The following PIGT variants were observed in gnomAD, a reference collection of about 807,000 sequenced individuals.
PIGT encodes GPI-anchor transamidase component PIGT.
PIGT carries 57 observed loss-of-function variants against 66.7 expected under a neutral mutation model. The observed-to-expected ratio is 0.86, with a 90% confidence interval of 0.69 to 1.07. The LOEUF (loss-of-function observed/expected upper bound fraction) is 1.07. Among genes scored for constraint, PIGT ranks in the 50% least tolerant of loss-of-function variants. The pLI is 0.00. For synonymous variants in PIGT, 362 were observed against 320.5 expected, an observed-to-expected ratio of 1.13 and a Z score of -1.38; for missense variants, 725 against 740.4, an observed-to-expected ratio of 0.98 and a Z score of 0.24.
intron 5 of PIGT, 53 bp downstream of exon 5, chr20:45,419,643 A>G (rs1039428461): frequency 6.5e-6 from 8 of 1,232,858 alleles, no homozygotes; most frequent in Non-Finnish European, 9.6e-6. Flanking sequence ...GAGAAGGTAC[A>G]TGTAAAGCAT....
In PIGT at chr20:45,425,584, T is replaced by G; in HGVS notation, c.1495T>G (p.Ser499Ala). 6.2e-7 allele frequency: 1 copy of G among 1,613,758 alleles called. No homozygotes were observed. ...TTCCCCTGACCCCAGGTTCCCAGTC[T>G]CTGATGGCTCTAACTACTTTGTGCG... ...SPLFNSLFPV[S>A]DGSNYFVRLY... The change falls in exon 12 of 12, where the codon TCT (serine) becomes GCT (alanine). Residue 499 changes from serine to alanine, a missense_variant. By Grantham distance (99) the Ser-to-Ala change is moderately conservative. This residue lies in a region of PIGT where 162 missense variants were observed against 171.1 expected (regional missense o/e 0.95). Transcript: ENST00000279036.
chr20:45,419,460 G>T (rs933610455), intron 4 of PIGT, 44 bp from the exon 5 acceptor site: 2 of 1,612,114 alleles, frequency 1.2e-6, no homozygotes, highest in Non-Finnish European at 8.5e-7. Context: ...CCCATGCCAA[G>T]TGCTCCATAC....
intron 2 of PIGT, chr20:45,418,597 A>T: frequency 4.5e-6 from 2 of 442,216 alleles, no homozygotes; most frequent in South Asian, 4.1e-5. Context: ...CTTGCAAGGA[A>T]GGAAGAATCA....
chr20:45,420,782 T>A, intron 8 of PIGT, 89 bp downstream of exon 8: 2 of 1,351,008 alleles, frequency 1.5e-6, no homozygotes, highest in Non-Finnish European at 2.1e-6. Flanking sequence ...GATGATTGGG[T>A]TGTATTTAGA....
intron 2 of PIGT, chr20:45,418,008 G>A (rs1444637968): frequency 6.6e-6 from 1 of 152,198 alleles, no homozygotes; most frequent in Non-Finnish European, 1.5e-5. Flanking sequence ...GAAATGTGGA[G>A]CAAATGCTTA....
chr20:45,424,618 T>A, intron 11 of PIGT, 39 bp downstream of exon 11: 1 of 1,533,458 alleles, frequency 6.5e-7, no homozygotes, highest in Non-Finnish European at 9.0e-7. Flanking sequence ...CATCCTCAGC[T>A]GCCTGCTGGG....
Position 45,417,430 on chromosome 20 carries a change from C to CA in PIGT, c.365+737dup. ...GACATTCTAACGAGGACAGCTCTGC[C>CA]ACTCAGCTTCTATGGATTGTTGCCA... is the stretch of plus-strand genomic sequence containing the variant. On this transcript the variant is annotated intron_variant, in intron 2 of 11. Transcript: ENST00000279036. 2 of 152,328 alleles carry CA rather than the reference C, an allele frequency of 1.3e-5. 1 individual carries two copies. Among genetic ancestry groups the CA allele is most frequent in the Middle Eastern group, 6.8e-3 (2 of 294 alleles). 9.4% of individuals were successfully genotyped at this position (152,328 alleles called of 1,614,324 possible). A position where few individuals can be genotyped will look rare whatever the true frequency, so the allele number is the denominator to read the frequency against.
intron 8 of PIGT, 189 bp downstream of exon 8, chr20:45,420,882 C>A: frequency 1.6e-6 from 1 of 616,820 alleles, no homozygotes; most frequent in South Asian, 2.0e-5. Flanking sequence ...GCTTCAGCAT[C>A]CACATCTGAA....
chr20:45,421,503 T>G lies in PIGT; in HGVS notation c.1154T>G (p.Leu385Arg). Residue 385 changes from leucine (L) to arginine (R), a missense_variant, in exon 9 of 12, where the codon CTG (leucine) becomes CGG (arginine). This residue lies in a region of PIGT where 559 missense variants were observed against 552.7 expected (regional missense o/e 1.01). Transcript: ENST00000279036. ...CCATACCGGGCCTTCCCGGTGCTGC[T>G]GCTGGACACCGTACCCTGGTATCTG... ...THPYRAFPVL[L>R]LDTVPWYLRL... 1 of 1,614,200 alleles carries G rather than the reference T, an allele frequency of 6.2e-7. No homozygotes were observed. The highest frequency in any genetic ancestry group is 8.5e-7 in the Non-Finnish European group (1 of 1,180,022).
Position 45,420,116 on chromosome 20 carries a change from C to T in PIGT, c.682-20C>T, listed in dbSNP as rs370267871. ...TGAGAGTGATACCCCCTCACTGCTG[C>T]CATCTGGCCCTTGTGATAGAATGCA... On this transcript the variant is annotated intron_variant, in intron 5 of 11. Coordinates refer to ENST00000279036, the MANE Select transcript of PIGT (RefSeq NM_015937.6). 6 of 1,583,022 alleles carry T rather than the reference C, an allele frequency of 3.8e-6. No homozygotes were observed. The African/African-American group carries it at 8.1e-5, about 21-fold the overall frequency.
intron 2 of PIGT, chr20:45,418,244 T>G (rs1990113468): frequency 5.9e-6 from 1 of 168,994 alleles, no homozygotes; most frequent in African/African-American, 2.4e-5. Context: ...CAGGGTAGTA[T>G]GCATTGTTTT....
chr20:45,419,744 T>C, intron 5 of PIGT, 154 bp downstream of exon 5: 1 of 659,140 alleles, frequency 1.5e-6, no homozygotes, highest in Non-Finnish European at 2.7e-6. Context: ...AAGAAAACAG[T>C]GGTTGCCTAG....
intron 9 of PIGT, 132 bp downstream of exon 9, chr20:45,421,715 A>G (rs1325935841): frequency 5.8e-6 from 4 of 688,010 alleles, no homozygotes; most frequent in Non-Finnish European, 1.0e-5. Flanking sequence ...AGAGTAAGGA[A>G]TAGTTTCTCA....
At chr20:45,416,950 G>T in intron 2 of PIGT, 1 of 358,304 alleles carries the variant, frequency 2.8e-6, no homozygotes, top group Non-Finnish European at 5.0e-6. Flanking sequence ...TGGAGGTAAG[G>T]CAGTAGAAAA....
chr20:45,419,213 A>G (rs1482272425), intron 3 of PIGT, 82 bp from the exon 4 acceptor site: 2 of 1,233,108 alleles, frequency 1.6e-6, no homozygotes, highest in Admixed American at 1.8e-5. Context: ...GGGGAGCAGG[A>G]GGGTCATTCC....
At position 45,423,992 on chromosome 20, in the gene PIGT, A is replaced by T. The variant is rs764429729; in HGVS notation, c.1235-224A>T. 125 of 566,700 alleles carry T rather than the reference A, an allele frequency of 2.2e-4. 1 individual carries two copies. The highest frequency in any genetic ancestry group is 1.5e-3 in the South Asian group (73 of 47,164). 35.1% of individuals were successfully genotyped at this position (566,700 alleles called of 1,614,324 possible). A position where few individuals can be genotyped will look rare whatever the true frequency, so the allele number is the denominator to read the frequency against. On this transcript the variant is annotated intron_variant, in intron 9 of 11. Transcript: ENST00000279036. ...ATGTGAAGATTGATTAGCCATCTGC[A>T]GCACTCCTAACAACCTCTCTTGATC...
In PIGT at chr20:45,416,176, T is replaced by A. The variant is rs771033953; in HGVS notation, c.20T>A (p.Leu7His). The A allele has an allele frequency of 1.9e-6, 3 of 1,578,130 alleles. No individual in the cohort carries two copies. Among genetic ancestry groups the A allele is most frequent in the Non-Finnish European group, 2.6e-6 (3 of 1,163,778 alleles). Residue 7 changes from leucine (L) to histidine (H), a missense_variant, in exon 1 of 12, where the codon CTT (leucine) becomes CAT (histidine). Physicochemically the swap from Leu to His is moderately conservative, Grantham distance 99. Transcript: ENST00000279036. MAAAMP[L>H]ALLVLLLLGP... ...GCAGGCATGGCGGCGGCTATGCCGC[T>A]TGCTCTGCTCGTCCTGTTGCTCCTG...
In PIGT at chr20:45,419,814, T is replaced by G. The variant is rs2145447126; in HGVS notation, c.681+224T>G. On this transcript the variant is annotated intron_variant, in intron 5 of 11. Coordinates refer to ENST00000279036, the MANE Select transcript of PIGT (RefSeq NM_015937.6). ...TGGTTCAGAACAATAGCTATGCGGG[T>G]GCAATTGCTAGCTCAGTCACTTGCC... is the stretch of plus-strand genomic sequence containing the variant. The G allele has an allele frequency of 2.5e-5, 15 of 601,170 alleles. No individual in the cohort carries two copies. In the South Asian group the frequency reaches 2.8e-4, roughly 11 times the overall value. 37.2% of individuals were successfully genotyped at this position (601,170 alleles called of 1,614,324 possible).
intron 10 of PIGT, 47 bp from the exon 11 acceptor site, chr20:45,424,449 T>C (rs1990583483): frequency 1.9e-6 from 3 of 1,612,616 alleles, no homozygotes; most frequent in Non-Finnish European, 2.5e-6. Context: ...TACCCCTTGA[T>C]AGGGCAGCCA....
Sources: gnomAD v4.1 joint callset for allele counts on GRCh38, gnomAD v4.1.1 for gene constraint, gnomAD v4.1.1 regional missense constraint, MANE v1.5 for transcripts, NCBI Gene and HGNC (gene_info 2026-07-23, HGNC 2026-07-21) for gene names.